The following CNTNAP4 variants were observed in gnomAD, a reference collection of about 807,000 sequenced individuals.
CNTNAP4 encodes the protein contactin-associated protein-like 4.
CNTNAP4 carries 98 observed loss-of-function variants against 148.4 expected under a neutral mutation model. The ratio of observed to expected loss-of-function variants is 0.66; its 90% CI spans 0.56 to 0.78. The LOEUF (loss-of-function observed/expected upper bound fraction) is 0.78. Among genes scored for constraint, CNTNAP4 ranks in the 30% least tolerant of loss-of-function variants. The pLI is 0.00. For synonymous variants in CNTNAP4, 730 were observed against 565.1 expected, an observed-to-expected ratio of 1.29 and a Z score of -4.14; for missense variants, 1,935 against 1,565.6, an observed-to-expected ratio of 1.24 and a Z score of -3.98.
At chr16:76,449,172 A>G (rs1000419267) in intron 6 of CNTNAP4, among the ~76,000 whole-genome samples, 4 of 152,128 alleles carry the variant, frequency 2.6e-5, no homozygotes, top group Non-Finnish European at 4.4e-5. Flanking sequence ...GAGGGAGATG[A>G]TCTTTTTTAC....
chr16:76,511,971 C>G (rs903782614), intron 15 of CNTNAP4, among the ~76,000 whole-genome samples: 4 of 151,880 alleles, frequency 2.6e-5, no homozygotes, highest in Admixed American at 1.3e-4. Context: ...ATTTAAAGCT[C>G]AGGAAGAAGG....
intron 21 of CNTNAP4, among the ~76,000 whole-genome samples, chr16:76,549,941 G>A (rs906916108): frequency 6.6e-6 from 1 of 152,186 alleles, no homozygotes; most frequent in African/African-American, 2.4e-5. Context: ...AAAACTTTGT[G>A]TCTGCAGATT....
intron 2 of CNTNAP4, among the ~76,000 whole-genome samples, chr16:76,323,012 T>A (rs1205903859): frequency 6.6e-6 from 1 of 151,748 alleles, no homozygotes; most frequent in African/African-American, 2.4e-5. Flanking sequence ...TTTTTTTTGT[T>A]GTTGTTGTAT....
chr16:76,325,035 C>G (rs138492336), intron 2 of CNTNAP4, among the ~76,000 whole-genome samples: 1 of 152,094 alleles, frequency 6.6e-6, no homozygotes, highest in East Asian at 1.9e-4. Context: ...CCAAGACAGC[C>G]AGCCCTCGGG....
chr16:76,311,537 C>A (rs1171284869), intron 1 of CNTNAP4, among the ~76,000 whole-genome samples: 2 of 152,132 alleles, frequency 1.3e-5, no homozygotes, highest in Non-Finnish European at 2.9e-5. Flanking sequence ...AGTATATATA[C>A]ATTTTTTAAT....
chr16:76,340,607 C>T (rs1016706435), intron 2 of CNTNAP4, among the ~76,000 whole-genome samples: 10 of 152,228 alleles, frequency 6.6e-5, no homozygotes, highest in Middle Eastern at 3.4e-3. Context: ...AAACTTTCTC[C>T]GATGCTTTCA....
At position 76,372,620 on chromosome 16, in the gene CNTNAP4, TG is replaced by T. The variant is rs2014971324; in HGVS notation, c.390+17111del. Among the ~76,000 whole-genome samples, 3 of 152,206 alleles carry T rather than the reference TG, an allele frequency of 2.0e-5. No individual in the cohort carries two copies. In the South Asian group the frequency reaches 6.2e-4, roughly 31 times the overall value. On this transcript the variant is annotated intron_variant, in intron 3 of 23. Coordinates refer to ENST00000611870, the MANE Select transcript of CNTNAP4 (RefSeq NM_033401.5). ...TTTGTAAAGGGTTTCCCCTTTCGCT[TG>T]GCTCTCATTCTGTCTTTTCTGCCAC...
chr16:76,366,076 G>GT (rs892681209), intron 3 of CNTNAP4, among the ~76,000 whole-genome samples: 7 of 151,862 alleles, frequency 4.6e-5, no homozygotes, highest in African/African-American at 1.2e-4. Context: ...TTGACTTTAA[G>GT]TTTTTTTATC....
At chr16:76,389,822 T>C (rs2016817960) in intron 3 of CNTNAP4, among the ~76,000 whole-genome samples, 1 of 152,148 alleles carries the variant, frequency 6.6e-6, no homozygotes, top group South Asian at 2.1e-4. Context: ...TGTCCTCAGA[T>C]ATTCTAATTC....
At chr16:76,349,555 C>G (rs1052088713) in intron 2 of CNTNAP4, among the ~76,000 whole-genome samples, 2 of 152,224 alleles carry the variant, frequency 1.3e-5, no homozygotes, top group East Asian at 1.9e-4. Context: ...CACGTTCTTT[C>G]CATTTCCTTA....
rs978443769 is a variant in CNTNAP4 at position 76,548,035 on chromosome 16, C to A, written c.3443-5248C>A. On this transcript the variant is annotated intron_variant, in intron 21 of 23. Coordinates refer to ENST00000611870, the MANE Select transcript of CNTNAP4 (RefSeq NM_033401.5). ...TTATGCTGAAAGCAAAAGGGAAATA[C>A]CTGCCACTGTAAGATAGCTGCCTGT... is the stretch of plus-strand genomic sequence containing the variant. Among the ~76,000 whole-genome samples, 10 of 152,196 alleles carry A rather than the reference C, an allele frequency of 6.6e-5. 1 individual carries two copies. The highest frequency in any genetic ancestry group is 2.4e-4 in the African/African-American group (10 of 41,456).
At chr16:76,286,523 A>T (rs1049195899) in intron 1 of CNTNAP4, among the ~76,000 whole-genome samples, 12 of 152,162 alleles carry the variant, frequency 7.9e-5, no homozygotes, top group Non-Finnish European at 1.5e-5. Flanking sequence ...CAGGATCCCC[A>T]GTAGTTAACT....
chr16:76,481,386 G>A (rs531699483), intron 12 of CNTNAP4, among the ~76,000 whole-genome samples: 2 of 152,242 alleles, frequency 1.3e-5, no homozygotes, highest in African/African-American at 2.4e-5. Flanking sequence ...AACTAAAATA[G>A]GATTAAATAA....
At chr16:76,286,777 C>T (rs1199748047) in intron 1 of CNTNAP4, among the ~76,000 whole-genome samples, 1 of 152,074 alleles carries the variant, frequency 6.6e-6, no homozygotes, top group Non-Finnish European at 1.5e-5. Flanking sequence ...GAATTTATGT[C>T]CAAGGCAGAA....
At chr16:76,498,849 A>G (rs1231233673) in intron 15 of CNTNAP4, among the ~76,000 whole-genome samples, 155 bp downstream of exon 15, 2 of 152,190 alleles carry the variant, frequency 1.3e-5, no homozygotes, top group Non-Finnish European at 2.9e-5. Flanking sequence ...AGGTGCCTTT[A>G]GTAGTCAAAT....
chr16:76,352,519 G>A (rs781054169), intron 2 of CNTNAP4, among the ~76,000 whole-genome samples: 5 of 152,036 alleles, frequency 3.3e-5, no homozygotes, highest in African/African-American at 4.8e-5. Flanking sequence ...CCTAGTTAGG[G>A]GCATGGTGCC....
intron 3 of CNTNAP4, among the ~76,000 whole-genome samples, chr16:76,413,570 A>G (rs541963148): frequency 1.1e-3 from 173 of 150,662 alleles, no homozygotes; most frequent in South Asian, 5.9e-3. Flanking sequence ...CAGTAAAAAA[A>G]AAACCCTCCA....
At chr16:76,362,156 G>A (rs1428216542) in intron 3 of CNTNAP4, among the ~76,000 whole-genome samples, 2 of 151,940 alleles carry the variant, frequency 1.3e-5, no homozygotes, top group Non-Finnish European at 2.9e-5. Context: ...ATTTAGAATA[G>A]TATCAAAAAG....
At chr16:76,503,319 C>G (rs1245993445) in intron 15 of CNTNAP4, among the ~76,000 whole-genome samples, 1 of 152,056 alleles carries the variant, frequency 6.6e-6, no homozygotes, top group Non-Finnish European at 1.5e-5. Flanking sequence ...AAAAGTTAAT[C>G]AACCTGATTT....
Sources: allele counts gnomAD v4.1 joint callset (sites outside exome capture counted in the v4.1 genomes callset), GRCh38; gene constraint gnomAD v4.1.1; transcripts MANE v1.5; gene names NCBI Gene and HGNC (gene_info 2026-07-23, HGNC 2026-07-21).